ZNF417: variants seen among roughly 807,000 people sequenced by gnomAD.
ZNF417 encodes zinc finger protein 417.
A neutral mutation model predicts 7.4 loss-of-function variants in ZNF417; 5 were observed. That is an observed-to-expected ratio of 0.68 (90% CI 0.35 to 1.43). The LOEUF (loss-of-function observed/expected upper bound fraction) is 1.43, where lower values mean the gene tolerates loss of function less well. ZNF417 is among the 40% of genes most tolerant of loss of function. The pLI, the probability that ZNF417 is intolerant of heterozygous loss-of-function variation, is 0.04. For synonymous variants in ZNF417, 147 were observed against 239.1 expected, an observed-to-expected ratio of 0.61 and a Z score of 3.55; for missense variants, 437 against 697.3, an observed-to-expected ratio of 0.63 and a Z score of 4.20.
chr19:57,915,647 T>A, intron 1 of ZNF417: 1 of 380,052 alleles, frequency 2.6e-6, no homozygotes, highest in East Asian at 4.1e-5. Flanking sequence ...AGGGAAGGAA[T>A]TCAGTTCATG....
Position 57,908,776 on chromosome 19 carries a change from A to G in ZNF417, c.1502T>C (p.Phe501Ser). Reference protein sequence around the residue: ...PYECNECGKSFLSSSALHVHK... With the variant: ...PYECNECGKSSLSSSALHVHK... ...AACATGAAGCGCAGAGCTGGAAAGA[A>G]ATGATTTCCCACATTCATTGCATTC... Residue 501 changes from phenylalanine to serine, a missense_variant, in exon 3 of 3, where the codon TTT (phenylalanine) becomes TCT (serine). By Grantham distance (155) the Phe-to-Ser change is radical. Transcript: ENST00000312026. 6.2e-7 allele frequency: 1 copy of G among 1,613,232 alleles called. No individual in the cohort carries two copies. Among genetic ancestry groups the G allele is most frequent in the Non-Finnish European group, 8.5e-7 (1 of 1,179,330 alleles).
chr19:57,914,315 G>A (rs569531397), intron 1 of ZNF417, among the ~76,000 whole-genome samples: 56 of 151,586 alleles, frequency 3.7e-4, no homozygotes, highest in Non-Finnish European at 6.2e-4. Flanking sequence ...ATGAAACCCC[G>A]TTTCTACTAA....
intron 1 of ZNF417, among the ~76,000 whole-genome samples, chr19:57,912,406 T>C (rs2071907076): frequency 6.6e-6 from 1 of 152,206 alleles, no homozygotes; most frequent in Admixed American, 6.5e-5. Flanking sequence ...GCTGAGGTCC[T>C]GACATAAAAA....
intron 1 of ZNF417, 113 bp downstream of exon 1, chr19:57,916,266 T>C: frequency 6.3e-7 from 1 of 1,593,366 alleles, no homozygotes. Context: ...AGCGCCTCAG[T>C]GTTCCTACGC....
chr19:57,908,376 C>G lies in ZNF417; in HGVS notation c.*174G>C. ...CCAAGATTGCACCACTGCACTCCAG[C>G]CTGGGTGACAGAATGAGACTCCGTT... On this transcript the variant is annotated 3_prime_UTR_variant, in exon 3 of 3. Transcript: ENST00000312026. 2 of 1,271,698 alleles carry G rather than the reference C, an allele frequency of 1.6e-6. No homozygotes were observed. The highest frequency in any genetic ancestry group is 2.2e-6 in the Non-Finnish European group (2 of 919,044). 78.8% of individuals were successfully genotyped at this position (1,271,698 alleles called of 1,614,324 possible). A position where few individuals can be genotyped will look rare whatever the true frequency, so the allele number is the denominator to read the frequency against.
chr19:57,907,623 C>T lies in ZNF417; in HGVS notation c.*927G>A, dbSNP rs2071846273. The T allele has an allele frequency of 6.5e-6, 1 of 154,854 alleles. No homozygotes were observed. The highest frequency in any genetic ancestry group is 6.5e-5 in the Admixed American group (1 of 15,278). 9.6% of individuals were successfully genotyped at this position (154,854 alleles called of 1,614,324 possible). ...AATCTTCTTCTGACTGGGACATTTCCCAATTTGGGAACAGTGGTTACTTGC... is the reference window on the plus strand; with the variant it reads ...AATCTTCTTCTGACTGGGACATTTCTCAATTTGGGAACAGTGGTTACTTGC... On this transcript the variant is annotated 3_prime_UTR_variant, in exon 3 of 3. Coordinates refer to ENST00000312026, the MANE Select transcript of ZNF417 (RefSeq NM_152475.3).
chr19:57,915,476 C>T (rs1198635176), intron 1 of ZNF417: 25 of 497,244 alleles, frequency 5.0e-5, no homozygotes, highest in South Asian at 2.6e-4. Flanking sequence ...TGTTGCTCTC[C>T]CCACCGCATC....
rs1192430990 is a variant in ZNF417 at position 57,908,740 on chromosome 19, ACT to A, written c.1536_1537del (p.Arg512SerfsTer9). On this transcript the variant is annotated frameshift_variant, in exon 3 of 3. Transcript: ENST00000312026. LOFTEE classifies it low-confidence loss of function (END_TRUNC). ...CTTATAAGGCTTTTGTCCAGAATGA[ACT>A]CTTTTATGAACATGAAGCGCAGAGC... 3.1e-6 allele frequency: 5 copies of A among 1,613,892 alleles called. No individual in the cohort carries two copies. The highest frequency in any genetic ancestry group is 1.3e-5 in the African/African-American group (1 of 74,866).
Position 57,909,309 on chromosome 19 carries a change from AG to A in ZNF417, c.968del (p.Pro323LeufsTer157), listed in dbSNP as rs1462989979. On this transcript the variant is annotated frameshift_variant, in exon 3 of 3. Transcript: ENST00000312026. LOFTEE classifies it low-confidence loss of function (END_TRUNC). ...ATTTCCCATATTCTCTACACTCATA[AG>A]GCCTTTCTCCAGTGTGAACACGCTG... is the stretch of plus-strand genomic sequence containing the variant. The part of the protein sequence containing the change: ...SHQRVHTGER[P>X]YECREYGKSF... 1 of 1,613,784 alleles carries A rather than the reference AG, an allele frequency of 6.2e-7. No individual in the cohort carries two copies. The highest frequency in any genetic ancestry group is 1.3e-5 in the African/African-American group (1 of 74,966).
intron 2 of ZNF417, 116 bp downstream of exon 2, chr19:57,911,944 A>C (rs1437179520): frequency 6.8e-7 from 1 of 1,470,926 alleles, no homozygotes; most frequent in African/African-American, 1.4e-5. Flanking sequence ...TTACATAGAG[A>C]AGTGTAGAAG....
intron 2 of ZNF417, among the ~76,000 whole-genome samples, chr19:57,910,662 C>G (rs1417517347): frequency 6.6e-6 from 1 of 152,122 alleles, no homozygotes; most frequent in Non-Finnish European, 1.5e-5. Context: ...ACAGGCAACA[C>G]AGGGAGTAGA....
At chr19:57,910,548 AAATAAT>A (rs970888322) in intron 2 of ZNF417, among the ~76,000 whole-genome samples, 1 of 151,900 alleles carries the variant, frequency 6.6e-6, no homozygotes, top group Non-Finnish European at 1.5e-5. Flanking sequence ...CTCCATCTCA[AAATAAT>A]AATAATAATA....
chr19:57,908,957 A>G lies in ZNF417; in HGVS notation c.1321T>C (p.Cys441Arg). ...TGERPYNCRE[C>R]GKLFNRKYHL... ...TACTTCCTGTTAAATAATTTCCCAC[A>G]TTCCCTACAATTGTAAGGTCTTTCC... Residue 441 changes from cysteine (C) to arginine (R), a missense_variant, in exon 3 of 3, where the codon TGT becomes CGT. By Grantham distance (180) the Cys-to-Arg change is radical. This residue lies in a region of ZNF417 where 233 missense variants were observed against 235.5 expected (regional missense o/e 0.99). Transcript: ENST00000312026. 1 of 1,614,062 alleles carries G rather than the reference A, an allele frequency of 6.2e-7. No homozygotes were observed. Among genetic ancestry groups the G allele is most frequent in the South Asian group, 1.1e-5 (1 of 91,076 alleles).
intron 1 of ZNF417, among the ~76,000 whole-genome samples, chr19:57,914,843 T>A (rs1164167240): frequency 6.6e-6 from 1 of 152,224 alleles, no homozygotes; most frequent in East Asian, 1.9e-4. Flanking sequence ...TAACCTGCCA[T>A]GGCCTCAGTA....
chr19:57,908,326 C>T lies in ZNF417; in HGVS notation c.*224G>A. 1.4e-6 allele frequency: 1 copy of T among 719,906 alleles called. No homozygotes were observed. The highest frequency in any genetic ancestry group is 2.2e-6 in the Non-Finnish European group (1 of 449,658). The allele number at this position is 719,906 out of a possible 1,614,324, so 44.6% of individuals were successfully genotyped here. A position where few individuals can be genotyped will look rare whatever the true frequency, so the allele number is the denominator to read the frequency against. ...GGCTGAGGTAGGAGAATCACTTGAA[C>T]CTGGGAGGCCCAAGTTGCAGTGAGC... On this transcript the variant is annotated 3_prime_UTR_variant, in exon 3 of 3. Transcript: ENST00000312026.
rs917372147 is a variant in ZNF417 at position 57,908,575 on chromosome 19, C to T, written c.1703G>A (p.Ser568Asn). 2.5e-6 allele frequency: 4 copies of T among 1,613,994 alleles called. No individual in the cohort carries two copies. The highest frequency in any genetic ancestry group is 3.4e-6 in the Non-Finnish European group (4 of 1,179,994). ...TCATAAGGCCTTTCTCCTGTGTGAACTCTGATGATGAAGGAGGGTAGAGCT... is the reference window on the plus strand; with the variant it reads ...TCATAAGGCCTTTCTCCTGTGTGAATTCTGATGATGAAGGAGGGTAGAGCT... Reference protein sequence around the residue: ...QRSSTLLHHQSSHRRKAL With the variant: ...QRSSTLLHHQNSHRRKAL Residue 568 changes from serine (S) to asparagine (N), a missense_variant, in exon 3 of 3, where the codon AGT becomes AAT. Around this residue, in one of 5 missense-constraint regions of ZNF417, gnomAD observed 233 missense variants for 235.5 expected, o/e 0.99. Coordinates refer to ENST00000312026, the MANE Select transcript of ZNF417 (RefSeq NM_152475.3).
At chr19:57,915,822 T>A (rs2071942582) in intron 1 of ZNF417, among the ~76,000 whole-genome samples, 1 of 152,182 alleles carries the variant, frequency 6.6e-6, no homozygotes, top group Non-Finnish European at 1.5e-5. Context: ...CCTCCCCAAG[T>A]TGCTCCTGAA....
chr19:57,908,889 T>C lies in ZNF417; in HGVS notation c.1389A>G (p.Pro463=), dbSNP rs1420968370. Residue 463 remains proline (P), a synonymous_variant, in exon 3 of 3, where the codon CCA becomes CCG. Transcript: ENST00000312026. ...ATTTCCCACATACCTCACACGCATA[T>C]GGCCTTTCTCCAGTGTGAACTCTCT... The part of the protein sequence containing the change: ...VHERVHTGER[P]YACEVCGKLF... The C allele has an allele frequency of 6.2e-7, 1 of 1,613,588 alleles. No homozygotes were observed.
Position 57,908,903 on chromosome 19 carries a change from T to C in ZNF417, c.1375A>G (p.Thr459Ala). 6.2e-7 allele frequency: 1 copy of C among 1,614,254 alleles called. No individual in the cohort carries two copies. The highest frequency in any genetic ancestry group is 1.1e-5 in the South Asian group (1 of 91,082). The part of the protein sequence containing the change: ...YHLLVHERVH[T>A]GERPYACEVC... ...TCACACGCATATGGCCTTTCTCCAG[T>C]GTGAACTCTCTCATGAACGAGAAGA... The change falls in exon 3 of 3, where the codon ACT becomes GCT. Residue 459 changes from threonine (T) to alanine (A), a missense_variant. Around this residue, in one of 5 missense-constraint regions of ZNF417, gnomAD observed 233 missense variants for 235.5 expected, o/e 0.99. Transcript: ENST00000312026.
Sources: allele counts gnomAD v4.1 joint callset (sites outside exome capture counted in the v4.1 genomes callset), GRCh38; gene constraint gnomAD v4.1.1; regional missense constraint gnomAD v4.1.1; transcripts MANE v1.5; gene names NCBI Gene and HGNC (gene_info 2026-07-23, HGNC 2026-07-21).